Variants in SPATA31E1 observed in about 807,000 individuals in gnomAD.
SPATA31E1 encodes the protein SPATA31 subfamily E member 1, also known as spermatogenesis-associated protein 31E1.
A neutral mutation model predicts 12.9 loss-of-function variants in SPATA31E1; 7 were observed. That is an observed-to-expected ratio of 0.54 (90% CI 0.31 to 1.02). The LOEUF (loss-of-function observed/expected upper bound fraction) is 1.02. SPATA31E1 is among the 50% of genes least tolerant of loss of function. The pLI is 0.05. For synonymous variants in SPATA31E1, 771 were observed against 719.0 expected, an observed-to-expected ratio of 1.07 and a Z score of -1.16; for missense variants, 1,961 against 1,799.8, an observed-to-expected ratio of 1.09 and a Z score of -1.62.
chr9:87,883,947 A>G, intron 1 of SPATA31E1, 45 bp from the exon 2 acceptor site: 1 of 1,572,744 alleles, frequency 6.4e-7, no homozygotes, highest in Non-Finnish European at 8.6e-7. Flanking sequence ...TGGGGAGAGG[A>G]GACTGAGAAC....
At chr9:87,884,558 C>T in intron 2 of SPATA31E1, 33 bp from the exon 3 acceptor site, 1 of 1,613,600 alleles carries the variant, frequency 6.2e-7, no homozygotes, top group East Asian at 2.2e-5. Flanking sequence ...AGGCACCGCC[C>T]TCTCCACCAT....
At chr9:87,884,759 G>A in intron 3 of SPATA31E1, 108 bp downstream of exon 3, 2 of 1,511,894 alleles carry the variant, frequency 1.3e-6, no homozygotes, top group Non-Finnish European at 1.8e-6. Context: ...GAAGGGGACA[G>A]GAGGGGACTG....
In SPATA31E1 at chr9:87,886,574, T is replaced by A. The variant is rs1399498874; in HGVS notation, c.2087T>A (p.Phe696Tyr). Residue 696 changes from phenylalanine (F) to tyrosine (Y), a missense_variant, in exon 4 of 4, where the codon TTC (phenylalanine) becomes TAC (tyrosine). Physicochemically the swap from Phe to Tyr is conservative, Grantham distance 22. Coordinates refer to ENST00000325643, the MANE Select transcript of SPATA31E1 (RefSeq NM_178828.5). ...KGRKDVQKTG[F>Y]RSSGRFSDKG... is the part of the protein sequence containing the mutation. ...AGGAAGGATGTGCAGAAGACCGGGT[T>A]CAGGAGCTCCGGAAGGTTCTCTGAC... The A allele has an allele frequency of 6.2e-7, 1 of 1,613,916 alleles. No homozygotes were observed. Among genetic ancestry groups the A allele is most frequent in the African/African-American group, 1.3e-5 (1 of 74,880 alleles).
rs772206273 is a variant in SPATA31E1, at chr9:87,886,458, T to A, written c.1971T>A (p.Asp657Glu). ...LQASGDLLQP[D>E]GEFPGRPQSQ... Reference sequence around the variant, plus strand: ...CATCTGGGGACCTGCTACAGCCTGATGGGGAATTCCCAGGGAGGCCCCAGA... The same window carrying A: ...CATCTGGGGACCTGCTACAGCCTGAAGGGGAATTCCCAGGGAGGCCCCAGA... Residue 657 changes from aspartate to glutamate, a missense_variant, in exon 4 of 4, where the codon GAT becomes GAA. Transcript: ENST00000325643. 2 of 1,613,876 alleles carry A rather than the reference T, an allele frequency of 1.2e-6. No individual in the cohort carries two copies. The highest frequency in any genetic ancestry group is 1.7e-6 in the Non-Finnish European group (2 of 1,179,940).
Position 87,885,418 on chromosome 9 carries a change from G to A in SPATA31E1, c.931G>A (p.Glu311Lys), listed in dbSNP as rs1828249571. The stretch of plus-strand genomic sequence containing the variant: ...CATCTGGGACCTCTATTGCTGGAGG[G>A]AGGCTGCCACCACCTGGGGCCTCTC... ...DPIWDLYCWR[E>K]AATTWGLSTY... Residue 311 changes from glutamate to lysine, a missense_variant, in exon 4 of 4, where the codon GAG becomes AAG. Coordinates refer to ENST00000325643, the MANE Select transcript of SPATA31E1 (RefSeq NM_178828.5). 6.2e-7 allele frequency: 1 copy of A among 1,613,948 alleles called. No individual in the cohort carries two copies. Among genetic ancestry groups the A allele is most frequent in the Non-Finnish European group, 8.5e-7 (1 of 1,179,946 alleles).
At position 87,883,111 on chromosome 9, in the gene SPATA31E1, T is replaced by G. The variant is rs765120891; in HGVS notation, c.220T>G (p.Cys74Gly). The G allele has an allele frequency of 2.1e-5, 34 of 1,605,796 alleles. No homozygotes were observed. Among genetic ancestry groups the G allele is most frequent in the Non-Finnish European group, 2.9e-5 (34 of 1,176,126 alleles). ...WMMDFILTSV[C>G]GLVLLFLLLL... Reference sequence around the variant, plus strand: ...GATGGATTTCATCCTCACCAGTGTGTGTGGCCTAGTGCTCCTCTTCCTATT... The same window carrying G: ...GATGGATTTCATCCTCACCAGTGTGGGTGGCCTAGTGCTCCTCTTCCTATT... Residue 74 changes from cysteine to glycine, a missense_variant, in exon 1 of 4, where the codon TGT becomes GGT. Physicochemically the swap from Cys to Gly is radical, Grantham distance 159. Transcript: ENST00000325643.
At chr9:87,884,163 G>A (rs926777219) in intron 2 of SPATA31E1, 117 bp downstream of exon 2, 18 of 1,288,964 alleles carry the variant, frequency 1.4e-5, no homozygotes, top group Admixed American at 4.2e-5. Context: ...CAGAACCTGC[G>A]GCCTCCTCAG....
rs1374005302 is a variant in SPATA31E1 at position 87,884,102 on chromosome 9, C to T, written c.364+56C>T. The T allele has an allele frequency of 2.6e-6, 4 of 1,553,390 alleles. No homozygotes were observed. The African/African-American group carries it at 4.1e-5, about 16-fold the overall frequency. ...AGAGGTAACTGAGCTTTGCCTGTCC[C>T]TGAGGAAGTCATTTGCAGAGGCCTG... On this transcript the variant is annotated intron_variant, in intron 2 of 3. Transcript: ENST00000325643.
Position 87,885,070 on chromosome 9 carries a change from C to T in SPATA31E1, c.583C>T (p.Pro195Ser), listed in dbSNP as rs778772643. 3 of 1,614,206 alleles carry T rather than the reference C, an allele frequency of 1.9e-6. No individual in the cohort carries two copies. The highest frequency in any genetic ancestry group is 1.7e-6 in the Non-Finnish European group (2 of 1,180,022). The part of the protein sequence containing the change: ...SPASLSPPAP[P>S]APLASTLSPG... Reference sequence around the variant, plus strand: ...TGCCAGCTTGTCCCCACCAGCTCCCCCAGCTCCTCTGGCCTCCACCCTGTC... The same window carrying T: ...TGCCAGCTTGTCCCCACCAGCTCCCTCAGCTCCTCTGGCCTCCACCCTGTC... Residue 195 changes from proline to serine, a missense_variant, in exon 4 of 4, where the codon CCA (proline) becomes TCA (serine). Transcript: ENST00000325643.
chr9:87,888,516 T>C lies in SPATA31E1; in HGVS notation c.4029T>C (p.Asn1343=). 1 of 1,614,062 alleles carries C rather than the reference T, an allele frequency of 6.2e-7. No individual in the cohort carries two copies. Among genetic ancestry groups the C allele is most frequent in the Non-Finnish European group, 8.5e-7 (1 of 1,179,994 alleles). ...GGGGACGAGGTCCCTCAGAGGTCAA[T>C]CGCCACAAAGGTGACTTCCGCGCCC... is the stretch of plus-strand genomic sequence containing the variant. ...LQWGRGPSEV[N]RHKGDFRAQE... Residue 1343 remains asparagine (N), a synonymous_variant, in exon 4 of 4, where the codon AAT becomes AAC. Transcript: ENST00000325643.
At position 87,888,298 on chromosome 9, in the gene SPATA31E1, C is replaced by T. The variant is rs757134749; in HGVS notation, c.3811C>T (p.Pro1271Ser). ...CTTCCAGAGAAAGATCAGTCACCATCCACAGGGTCTACACCCCAGGAAAGG... is the reference window on the plus strand; with the variant it reads ...CTTCCAGAGAAAGATCAGTCACCATTCACAGGGTCTACACCCCAGGAAAGG... ...SHFQRKISHH[P>S]QGLHPRKGGT... The change falls in exon 4 of 4, where the codon CCA becomes TCA. Residue 1271 changes from proline (P) to serine (S), a missense_variant. Pro to Ser is a moderately conservative substitution (Grantham distance 74). Coordinates refer to ENST00000325643, the MANE Select transcript of SPATA31E1 (RefSeq NM_178828.5). 1.2e-6 allele frequency: 2 copies of T among 1,614,206 alleles called. No individual in the cohort carries two copies. Among genetic ancestry groups the T allele is most frequent in the Non-Finnish European group, 1.7e-6 (2 of 1,180,038 alleles).
chr9:87,885,883 G>T lies in SPATA31E1; in HGVS notation c.1396G>T (p.Ala466Ser). 6.2e-7 allele frequency: 1 copy of T among 1,613,932 alleles called. No homozygotes were observed. The highest frequency in any genetic ancestry group is 1.3e-5 in the African/African-American group (1 of 75,030). The change falls in exon 4 of 4, where the codon GCA becomes TCA. Residue 466 changes from alanine (A) to serine (S), a missense_variant. Transcript: ENST00000325643. ...WVSRNPSSQN[A>S]HSVPLDKAST... The stretch of plus-strand genomic sequence containing the variant: ...TTCTAGGAACCCTTCCTCACAGAAT[G>T]CACACTCTGTACCACTGGATAAAGC...
intron 2 of SPATA31E1, 137 bp downstream of exon 2, chr9:87,884,183 G>C (rs555523395): frequency 6.0e-6 from 7 of 1,167,986 alleles, no homozygotes; most frequent in Non-Finnish European, 8.5e-6. Flanking sequence ...GATTCCCTGC[G>C]GGAATGAAGC....
At position 87,882,922 on chromosome 9, in the gene SPATA31E1, G is replaced by T; in HGVS notation, c.31G>T (p.Gly11Cys). 6.2e-7 allele frequency: 1 copy of T among 1,612,940 alleles called. No homozygotes were observed. Among genetic ancestry groups the T allele is most frequent in the Non-Finnish European group, 8.5e-7 (1 of 1,179,866 alleles). Residue 11 changes from glycine to cysteine, a missense_variant, in exon 1 of 4, where the codon GGC becomes TGC. Transcript: ENST00000325643. ...AAATCTCGTCATCCCTCTAGGGAAGGGCAGGGCAGGCAGGGTTGAGAGTGG... is the reference window on the plus strand; with the variant it reads ...AAATCTCGTCATCCCTCTAGGGAAGTGCAGGGCAGGCAGGGTTGAGAGTGG... MGNLVIPLGK[G>C]RAGRVESGQR... is the part of the protein sequence containing the mutation.
In SPATA31E1 at chr9:87,886,135, C is replaced by T. The variant is rs370288385; in HGVS notation, c.1648C>T (p.Pro550Ser). 13 of 1,602,934 alleles carry T rather than the reference C, an allele frequency of 8.1e-6. No homozygotes were observed. Among genetic ancestry groups the T allele is most frequent in the Non-Finnish European group, 1.0e-5 (12 of 1,173,476 alleles). ...GATTAGGGGCTGTGGGGCATCTTACCCTACATCCCAGGAGAGGACACAGTC... is the reference window on the plus strand; with the variant it reads ...GATTAGGGGCTGTGGGGCATCTTACTCTACATCCCAGGAGAGGACACAGTC... ...PQIRGCGASY[P>S]TSQERTQSVI... The change falls in exon 4 of 4, where the codon CCT becomes TCT. Residue 550 changes from proline (P) to serine (S), a missense_variant. Transcript: ENST00000325643.
In SPATA31E1 at chr9:87,886,790, A is replaced by C. The variant is rs1445291943; in HGVS notation, c.2303A>C (p.His768Pro). 1.2e-6 allele frequency: 2 copies of C among 1,613,982 alleles called. No homozygotes were observed. The highest frequency in any genetic ancestry group is 1.7e-6 in the Non-Finnish European group (2 of 1,180,032). ...KEHLENKLQI[H>P]LARKVGEIKE... Reference sequence around the variant, plus strand: ...CATCTGGAAAACAAGCTGCAAATCCATCTGGCCAGGAAGGTAGGGGAGATC... The same window carrying C: ...CATCTGGAAAACAAGCTGCAAATCCCTCTGGCCAGGAAGGTAGGGGAGATC... Residue 768 changes from histidine (H) to proline (P), a missense_variant, in exon 4 of 4, where the codon CAT becomes CCT. By Grantham distance (77) the His-to-Pro change is moderately conservative. Coordinates refer to ENST00000325643, the MANE Select transcript of SPATA31E1 (RefSeq NM_178828.5).
At position 87,884,937 on chromosome 9, in the gene SPATA31E1, A is replaced by C. The variant is rs947167442; in HGVS notation, c.450A>C (p.Glu150Asp). 2 of 1,610,886 alleles carry C rather than the reference A, an allele frequency of 1.2e-6. No individual in the cohort carries two copies. The highest frequency in any genetic ancestry group is 2.7e-5 in the African/African-American group (2 of 74,866). ...GCCACCTGAGGAAGCTCGCTGGCGA[A>C]GGCAGCTCCCACCTGCCCTTAGGTG... is the stretch of plus-strand genomic sequence containing the variant. Reference protein sequence around the residue: ...LESHLRKLAGEGSSHLPLGGD... With the variant: ...LESHLRKLAGDGSSHLPLGGD... Residue 150 changes from glutamate (E) to aspartate (D), a missense_variant, in exon 4 of 4, where the codon GAA becomes GAC. Transcript: ENST00000325643.
At position 87,885,118 on chromosome 9, in the gene SPATA31E1, G is replaced by A; in HGVS notation, c.631G>A (p.Glu211Lys). Residue 211 changes from glutamate (E) to lysine (K), a missense_variant, in exon 4 of 4, where the codon GAG becomes AAG. Coordinates refer to ENST00000325643, the MANE Select transcript of SPATA31E1 (RefSeq NM_178828.5). ...TLSPGPMTFS[E>K]PFGPHSTLSA... is the part of the protein sequence containing the mutation. ...GTCACCAGGCCCGATGACCTTCTCA[G>A]AGCCTTTTGGACCACACTCAACCCT... 1 of 1,614,134 alleles carries A rather than the reference G, an allele frequency of 6.2e-7. No homozygotes were observed. Among genetic ancestry groups the A allele is most frequent in the Non-Finnish European group, 8.5e-7 (1 of 1,180,014 alleles).
Position 87,883,176 on chromosome 9 carries a change from C to T in SPATA31E1, c.285C>T (p.Pro95=), listed in dbSNP as rs762786546. The T allele has an allele frequency of 1.1e-5, 18 of 1,581,912 alleles. No homozygotes were observed. The East Asian group carries it at 1.4e-4, about 12-fold the overall frequency. Residue 95 remains proline, a synonymous_variant, in exon 1 of 4, where the codon CCC becomes CCT. Coordinates refer to ENST00000325643, the MANE Select transcript of SPATA31E1 (RefSeq NM_178828.5). ...YVHSDPPSPP[P]GRKRSSREPQ... is the part of the protein sequence containing the mutation. The stretch of plus-strand genomic sequence containing the variant: ...ACAGTGACCCACCCTCACCCCCGCC[C>T]GGGAGGAAGAGGAGCAGCAGGGAGG...
Sources: gnomAD v4.1 joint callset for allele counts on GRCh38, gnomAD v4.1.1 for gene constraint, MANE v1.5 for transcripts, NCBI Gene and HGNC (gene_info 2026-07-23, HGNC 2026-07-21) for gene names.